The following GRB10 variants were observed in gnomAD, a reference collection of about 807,000 sequenced individuals.
GRB10 encodes the protein growth factor receptor bound protein 10.
GRB10 carries 20 observed loss-of-function variants against 80.9 expected under a neutral mutation model. The observed-to-expected ratio is 0.25, with a 90% CI of 0.17 to 0.36. The LOEUF is 0.36. GRB10 is among the 10% of genes least tolerant of loss of function. The pLI is 1.00. For missense variants in GRB10, 548 were observed against 747.7 expected (o/e 0.73, Z 3.12); for synonymous variants, 291 against 291.5 (o/e 1.00, Z 0.02).
chr7:50,675,987 G>A (rs976568321), intron 5 of GRB10, among the ~76,000 whole-genome samples: 7 of 152,296 alleles, frequency 4.6e-5, no homozygotes, highest in Non-Finnish European at 7.3e-5. Context: ...AGTTTTGTAC[G>A]TGTAACCCAA....
chr7:50,595,559 A>T, intron 17 of GRB10, 29 bp from the exon 18 acceptor site: 1 of 1,198,036 alleles, frequency 8.3e-7, no homozygotes, highest in Non-Finnish European at 1.2e-6. Flanking sequence ...TTGATTGCTA[A>T]AATATTTTAA....
intron 2 of GRB10, among the ~76,000 whole-genome samples, chr7:50,757,960 C>A (rs978093068): frequency 6.6e-6 from 1 of 152,132 alleles, no homozygotes. Context: ...AAATACATCA[C>A]TGAGGTAAAG....
intron 3 of GRB10, among the ~76,000 whole-genome samples, chr7:50,734,463 C>G (rs1435792089): frequency 2.1e-5 from 2 of 96,076 alleles, no homozygotes; most frequent in East Asian, 4.5e-4. Flanking sequence ...GCCCACACCC[C>G]CCACGCACGC....
At chr7:50,655,760 T>C (rs1404656625) in intron 7 of GRB10, among the ~76,000 whole-genome samples, 4 of 152,224 alleles carry the variant, frequency 2.6e-5, no homozygotes, top group Admixed American at 2.0e-4. Context: ...CCTAAGGCCC[T>C]GGCTTCCTAG....
In GRB10 at chr7:50,674,324, CTT is replaced by C. The variant is rs367668462; in HGVS notation, c.362+110_362+111del. 5,963 of 1,074,894 alleles carry C rather than the reference CTT, an allele frequency of 5.5e-3. 216 individuals carry two copies. In the African/African-American group the frequency reaches 0.079, roughly 14 times the overall value. 66.6% of individuals were successfully genotyped at this position (1,074,894 alleles called of 1,614,324 possible). A position where few individuals can be genotyped will look rare whatever the true frequency, so the allele number is the denominator to read the frequency against. ...TCAAAGCAATGTATCTGCCTCTTGACTTTGCAAGACCAACACTATTCCCCCCA... is the reference window on the plus strand; with the variant it reads ...TCAAAGCAATGTATCTGCCTCTTGACTGCAAGACCAACACTATTCCCCCCA... On this transcript the variant is annotated intron_variant, in intron 6 of 18. Coordinates refer to ENST00000401949, the MANE Select transcript of GRB10 (RefSeq NM_001350814.2).
In GRB10 at chr7:50,614,797, G is replaced by T. The variant is rs1306657297; in HGVS notation, c.1068C>A (p.Ala356=). ...SLIAGRKQYN[A]PTDHGLCIKP... Reference sequence around the variant, plus strand: ...TTATGCAGAGCCCGTGGTCTGTAGGGGCGTTGTACTGCTTCCTGCCAGCGA... The same window carrying T: ...TTATGCAGAGCCCGTGGTCTGTAGGTGCGTTGTACTGCTTCCTGCCAGCGA... Residue 356 remains alanine (A), a synonymous_variant, in exon 12 of 19, where the codon GCC becomes GCA. Transcript: ENST00000401949. 1 of 1,613,880 alleles carries T rather than the reference G, an allele frequency of 6.2e-7. No homozygotes were observed. Among genetic ancestry groups the T allele is most frequent in the South Asian group, 1.1e-5 (1 of 91,080 alleles).
chr7:50,753,628 C>CCT (rs2074530226), intron 3 of GRB10, among the ~76,000 whole-genome samples: 1 of 152,214 alleles, frequency 6.6e-6, no homozygotes, highest in African/African-American at 2.4e-5. Context: ...TCAGCGTCTC[C>CCT]CTCCTGGAGG....
chr7:50,669,077 G>C (rs2060096873), intron 7 of GRB10, among the ~76,000 whole-genome samples: 1 of 152,168 alleles, frequency 6.6e-6, no homozygotes, highest in African/African-American at 2.4e-5. Flanking sequence ...GGTGAGCCCA[G>C]CATTTTCACA....
intron 13 of GRB10, among the ~76,000 whole-genome samples, chr7:50,608,420 A>G (rs2048913268): frequency 6.6e-6 from 1 of 152,224 alleles, no homozygotes; most frequent in Admixed American, 6.5e-5. Flanking sequence ...TCTCAGGCCC[A>G]CATGAAAAGA....
chr7:50,677,773 C>T (rs1253586838), intron 5 of GRB10, among the ~76,000 whole-genome samples: 1 of 152,214 alleles, frequency 6.6e-6, no homozygotes, highest in Non-Finnish European at 1.5e-5. Flanking sequence ...GGCCAAAACA[C>T]AAAGTTCACT....
At chr7:50,690,663 CAAAT>C (rs1388031378) in intron 5 of GRB10, among the ~76,000 whole-genome samples, 2 of 149,618 alleles carry the variant, frequency 1.3e-5, no homozygotes, top group African/African-American at 4.8e-5. Context: ...ACTTGTTTCA[CAAAT>C]GAATGAACGA....
intron 7 of GRB10, among the ~76,000 whole-genome samples, chr7:50,649,833 C>T (rs1045315351): frequency 9.9e-5 from 15 of 152,140 alleles, no homozygotes; most frequent in African/African-American, 2.9e-4. Context: ...AGCAACTGAG[C>T]GGACAATGAC....
chr7:50,627,638 C>T (rs372825374), intron 7 of GRB10, among the ~76,000 whole-genome samples: 163 of 152,302 alleles, frequency 1.1e-3, no homozygotes, highest in Middle Eastern at 3.4e-3. Flanking sequence ...CCATGAACAC[C>T]GAGCAGCTCC....
chr7:50,727,984 A>C (rs1221744137), intron 4 of GRB10: 1 of 152,216 alleles, frequency 6.6e-6, no homozygotes, highest in Non-Finnish European at 1.5e-5. Context: ...ACCTCACAAA[A>C]TATCTCCATA....
In GRB10 at chr7:50,611,600, GATGT is replaced by G. The variant is rs1304954258; in HGVS notation, c.1194+1137_1194+1140del. The stretch of plus-strand genomic sequence containing the variant: ...CAGCATCCTATAAAAATGGCACTAG[GATGT>G]ATCCTTAATGTCTCTGGAATCTGTG... On this transcript the variant is annotated intron_variant, in intron 13 of 18. Coordinates refer to ENST00000401949, the MANE Select transcript of GRB10 (RefSeq NM_001350814.2). Among the ~76,000 whole-genome samples the G allele has an allele frequency of 8.5e-5, 13 of 152,182 alleles. No homozygotes were observed. In the South Asian group the frequency reaches 1.7e-3, roughly 19 times the overall value.
intron 3 of GRB10, among the ~76,000 whole-genome samples, chr7:50,733,806 T>C (rs182316002): frequency 6.6e-6 from 1 of 152,206 alleles, no homozygotes; most frequent in Non-Finnish European, 1.5e-5. Flanking sequence ...GCTATTGCCA[T>C]GAAGGTATTC....
chr7:50,738,248 A>C (rs1317235686), intron 3 of GRB10, among the ~76,000 whole-genome samples: 2 of 152,176 alleles, frequency 1.3e-5, no homozygotes, highest in East Asian at 1.9e-4. Flanking sequence ...CATATGACCC[A>C]CTTCTAAGCA....
intron 3 of GRB10, among the ~76,000 whole-genome samples, chr7:50,742,511 T>A (rs577304468): frequency 6.6e-6 from 1 of 152,272 alleles, no homozygotes; most frequent in South Asian, 2.1e-4. Flanking sequence ...CGGGTGCTTG[T>A]TAACACACAA....
intron 4 of GRB10, 80 bp downstream of exon 4, chr7:50,732,192 C>T (rs2074777): frequency 0.65 from 936,819 of 1,430,870 alleles, 315,820 homozygotes; most frequent in East Asian, 0.74. Flanking sequence ...AGAAACGATC[C>T]ATGGCTGCTG....
Sources: allele counts gnomAD v4.1 joint callset (sites outside exome capture counted in the v4.1 genomes callset), GRCh38; gene constraint gnomAD v4.1.1; transcripts MANE v1.5; gene names NCBI Gene and HGNC (gene_info 2026-07-23, HGNC 2026-07-21).